SORCS3: variants seen among roughly 807,000 people sequenced by gnomAD.
SORCS3 encodes sortilin related VPS10 domain containing receptor 3, also known as VPS10 domain-containing receptor SorCS3.
SORCS3 carries 57 observed loss-of-function variants against 146.3 expected under a neutral mutation model. The observed-to-expected ratio is 0.39, with a 90% CI of 0.31 to 0.49. The LOEUF (loss-of-function observed/expected upper bound fraction) is 0.49. Ranked by LOEUF, SORCS3 falls within the 20% of genes least tolerant of loss-of-function variation. The pLI is 0.92. For missense variants in SORCS3, 1,341 were observed against 1,575.5 expected, an observed-to-expected ratio of 0.85 and a Z score of 2.52; for synonymous variants, 653 against 618.5, an observed-to-expected ratio of 1.06 and a Z score of -0.83.
chr10:105,262,519 C>T (rs1402083952), intron 26 of SORCS3, 28 bp downstream of exon 26: 16 of 1,604,062 alleles, frequency 1.0e-5, no homozygotes, highest in Non-Finnish European at 1.4e-5. Context: ...ACTAAGCTCC[C>T]CTGTTCTGTG....
At chr10:105,004,634 GGCAAAACGCAAGGAA>G (rs1471706718) in intron 4 of SORCS3, among the ~76,000 whole-genome samples, 1 of 152,112 alleles carries the variant, frequency 6.6e-6, no homozygotes, top group African/African-American at 2.4e-5. Context: ...GCAACAGGAT[GGCAAAACGCAAGGAA>G]GCCAGGTGGG....
intron 3 of SORCS3, among the ~76,000 whole-genome samples, chr10:104,917,410 C>G (rs117678077): frequency 1.4e-3 from 217 of 152,224 alleles, no homozygotes; most frequent in Non-Finnish European, 2.3e-3. Flanking sequence ...GTACAACATA[C>G]TGTTTTGAAG....
At chr10:104,996,486 C>T (rs1045357459) in intron 4 of SORCS3, among the ~76,000 whole-genome samples, 1 of 152,070 alleles carries the variant, frequency 6.6e-6, no homozygotes, top group African/African-American at 2.4e-5. Flanking sequence ...AAAAAAATTT[C>T]TGCTGTTTTT....
Position 104,857,228 on chromosome 10 carries a change from A to C in SORCS3, c.695+14369A>C, listed in dbSNP as rs148024754. Among the ~76,000 whole-genome samples the C allele has an allele frequency of 5.0e-3, 759 of 152,028 alleles. 2 individuals are homozygous for C. The highest frequency in any genetic ancestry group is 7.9e-3 in the Non-Finnish European group (535 of 67,990). ...GCAGTTCAGGGAAGGTGACCCAAGG[A>C]GGAAGCTGGCCAGACAGTGAAAGCC... On this transcript the variant is annotated intron_variant, in intron 2 of 26. Transcript: ENST00000369701.
At chr10:104,647,701 A>T (rs1309528399) in intron 1 of SORCS3, among the ~76,000 whole-genome samples, 1 of 152,198 alleles carries the variant, frequency 6.6e-6, no homozygotes, top group Admixed American at 6.5e-5. Context: ...AGGAAAGAAG[A>T]TCATTTTGCC....
At chr10:104,843,848 T>G (rs1296590811) in intron 2 of SORCS3, among the ~76,000 whole-genome samples, 7 of 152,200 alleles carry the variant, frequency 4.6e-5, no homozygotes, top group Non-Finnish European at 8.8e-5. Context: ...TGAGGTGTTG[T>G]GTGTTTTCTC....
chr10:105,032,748 T>A (rs1398183465), intron 4 of SORCS3, among the ~76,000 whole-genome samples: 1 of 152,146 alleles, frequency 6.6e-6, no homozygotes, highest in Non-Finnish European at 1.5e-5. Context: ...TTCAGGCCTT[T>A]GGGAAGGAAA....
intron 2 of SORCS3, among the ~76,000 whole-genome samples, chr10:104,862,251 A>C (rs7086583): frequency 0.12 from 18,149 of 152,162 alleles, 1,995 homozygotes; most frequent in African/African-American, 0.29. Context: ...CATGGACCAC[A>C]GGATCTTTGC....
chr10:105,137,917 A>C (rs554720368), intron 7 of SORCS3, among the ~76,000 whole-genome samples: 1 of 152,326 alleles, frequency 6.6e-6, no homozygotes, highest in Non-Finnish European at 1.5e-5. Flanking sequence ...AATGGTGACT[A>C]TGTGTTCAGA....
intron 3 of SORCS3, among the ~76,000 whole-genome samples, chr10:104,976,142 A>G (rs149402750): frequency 0.019 from 2,895 of 152,314 alleles, 61 homozygotes; most frequent in African/African-American, 0.056. Flanking sequence ...AATGGGAGAA[A>G]ATTTTCGCAT....
chr10:104,727,314 G>T (rs2016647984), intron 1 of SORCS3, among the ~76,000 whole-genome samples: 1 of 152,042 alleles, frequency 6.6e-6, no homozygotes, highest in Non-Finnish European at 1.5e-5. Flanking sequence ...TTGTACTTTT[G>T]TGGAAAGTTT....
chr10:105,109,780 T>G (rs1234960286), intron 7 of SORCS3, among the ~76,000 whole-genome samples: 2 of 152,190 alleles, frequency 1.3e-5, no homozygotes, highest in Middle Eastern at 3.4e-3. Flanking sequence ...ATCAAATATA[T>G]TGATACAATA....
At chr10:104,923,253 G>T (rs539166401) in intron 3 of SORCS3, among the ~76,000 whole-genome samples, 12 of 152,280 alleles carry the variant, frequency 7.9e-5, no homozygotes, top group African/African-American at 2.6e-4. Flanking sequence ...AATTTCTGTG[G>T]CTCATTGGAT....
chr10:105,206,712 T>A lies in SORCS3; in HGVS notation c.2262-4425T>A, dbSNP rs571765994. 3.0e-4 allele frequency among the ~76,000 whole-genome samples: 45 copies of A among 152,358 alleles called. 2 individuals carry two copies. In the South Asian group the frequency reaches 8.9e-3, roughly 30 times the overall value. ...TATAATTGTAATTTTTCTTTGAGAC[T>A]GTATTTGGGCTTATGTCTTAGCTAA... On this transcript the variant is annotated intron_variant, in intron 16 of 26. Transcript: ENST00000369701.
intron 1 of SORCS3, among the ~76,000 whole-genome samples, chr10:104,691,713 G>T (rs1194810645): frequency 1.3e-5 from 2 of 152,120 alleles, no homozygotes; most frequent in Admixed American, 6.5e-5. Context: ...TTAATTAAAT[G>T]AACTATATAA....
chr10:104,967,081 T>C (rs1443595808), intron 3 of SORCS3, among the ~76,000 whole-genome samples: 1 of 152,124 alleles, frequency 6.6e-6, no homozygotes, highest in Non-Finnish European at 1.5e-5. Context: ...GGAACTTGAT[T>C]GTATGCAGTT....
rs144472194 is a variant in SORCS3, at chr10:104,947,774, C to T, written c.796-29561C>T. 7.9e-3 allele frequency among the ~76,000 whole-genome samples: 1,200 copies of T among 152,186 alleles called. 17 individuals carry two copies. The highest frequency in any genetic ancestry group is 0.027 in the African/African-American group (1,138 of 41,506). ...AGTAGCTGGGACTGCAGGCACGTGG[C>T]ACCATGCCTGGCTAATTTTTGTATT... On this transcript the variant is annotated intron_variant, in intron 3 of 26. Coordinates refer to ENST00000369701, the MANE Select transcript of SORCS3 (RefSeq NM_014978.3).
At chr10:104,814,791 T>C (rs921155841) in intron 1 of SORCS3, among the ~76,000 whole-genome samples, 1 of 152,254 alleles carries the variant, frequency 6.6e-6, no homozygotes, top group Non-Finnish European at 1.5e-5. Flanking sequence ...GAGAGCATTT[T>C]ATTTGCTTCA....
At chr10:105,017,065 T>A (rs2055172348) in intron 4 of SORCS3, among the ~76,000 whole-genome samples, 1 of 152,198 alleles carries the variant, frequency 6.6e-6, no homozygotes, top group South Asian at 2.1e-4. Flanking sequence ...AAGATTCAGT[T>A]TTACTTATTC....
Sources: allele counts gnomAD v4.1 joint callset (sites outside exome capture counted in the v4.1 genomes callset), GRCh38; gene constraint gnomAD v4.1.1; transcripts MANE v1.5; gene names NCBI Gene and HGNC (gene_info 2026-07-23, HGNC 2026-07-21).